The following RBFOX1 variants were observed in gnomAD, a reference collection of about 807,000 sequenced individuals.
RBFOX1 encodes RNA binding fox-1 homolog 1.
A neutral mutation model predicts 57.7 loss-of-function variants in RBFOX1; 8 were observed. That is an observed-to-expected ratio of 0.14 (90% CI 0.08 to 0.25). The LOEUF (loss-of-function observed/expected upper bound fraction) is 0.25, where lower values mean the gene tolerates loss of function less well. Ranked by LOEUF, RBFOX1 falls within the 10% of genes least tolerant of loss-of-function variation. The pLI is 1.00. For synonymous variants in RBFOX1, 326 were observed against 222.4 expected (o/e 1.47, Z -4.15); for missense variants, 611 against 548.5 (o/e 1.11, Z -1.14).
chr16:6,258,117 T>A (rs966014227), intron 1 of RBFOX1, among the ~76,000 whole-genome samples: 1 of 152,200 alleles, frequency 6.6e-6, no homozygotes, highest in African/African-American at 2.4e-5. Flanking sequence ...TATCCCATCA[T>A]CTTTTGTAAC....
chr16:7,707,547 G>T (rs61292481), intron 14 of RBFOX1, among the ~76,000 whole-genome samples: 17 of 152,022 alleles, frequency 1.1e-4, no homozygotes, highest in African/African-American at 1.7e-4. Context: ...AAACGATGTC[G>T]ATCCCAGTGA....
At chr16:5,714,903 A>G (rs924596763) in intron 3 of RBFOX1, among the ~76,000 whole-genome samples, 4 of 152,224 alleles carry the variant, frequency 2.6e-5, no homozygotes, top group African/African-American at 2.4e-5. Context: ...AGTGTCAAAC[A>G]CAGAGGCAAG....
intron 2 of RBFOX1, among the ~76,000 whole-genome samples, chr16:6,490,984 C>G (rs1490658253): frequency 6.6e-6 from 1 of 151,906 alleles, no homozygotes. Flanking sequence ...TAAAATGAAA[C>G]CAGAATTTGT....
At chr16:5,531,697 A>G (rs1404620065) in intron 2 of RBFOX1, among the ~76,000 whole-genome samples, 1 of 152,226 alleles carries the variant, frequency 6.6e-6, no homozygotes, top group Non-Finnish European at 1.5e-5. Flanking sequence ...TACTCAAAGC[A>G]GTGCCTGGCA....
chr16:7,610,173 G>A (rs1364434380), intron 10 of RBFOX1, among the ~76,000 whole-genome samples: 9 of 128,708 alleles, frequency 7.0e-5, no homozygotes, highest in Admixed American at 5.1e-4. Flanking sequence ...AGGCTGGAGT[G>A]CAGTGGCATG....
At chr16:6,185,323 G>A (rs1567635014) in intron 1 of RBFOX1, among the ~76,000 whole-genome samples, 1 of 152,018 alleles carries the variant, frequency 6.6e-6, no homozygotes, top group African/African-American at 2.4e-5. Flanking sequence ...ATTCTCTCTT[G>A]AATTCATTCC....
intron 3 of RBFOX1, among the ~76,000 whole-genome samples, chr16:5,606,058 C>T (rs1480721624): frequency 1.3e-5 from 2 of 152,172 alleles, no homozygotes; most frequent in Admixed American, 6.5e-5. Flanking sequence ...GCAGAGGTTG[C>T]CCGTGGCATG....
chr16:7,549,981 G>T (rs1316020182), intron 5 of RBFOX1, among the ~76,000 whole-genome samples: 1 of 152,030 alleles, frequency 6.6e-6, no homozygotes, highest in Non-Finnish European at 1.5e-5. Flanking sequence ...TTAGGCAGGA[G>T]TGCAGTGGTG....
chr16:7,622,046 G>T (rs770278232), intron 10 of RBFOX1, among the ~76,000 whole-genome samples: 1 of 152,138 alleles, frequency 6.6e-6, no homozygotes, highest in Non-Finnish European at 1.5e-5. Flanking sequence ...ATCGTAAAAA[G>T]CATTCCTAGC....
chr16:7,199,223 G>A (rs1406563537), intron 4 of RBFOX1, among the ~76,000 whole-genome samples: 3 of 152,142 alleles, frequency 2.0e-5, no homozygotes, highest in African/African-American at 7.2e-5. Flanking sequence ...ACATTTTAAG[G>A]AGCTAAGAGC....
chr16:7,285,273 A>C (rs1041980413), intron 4 of RBFOX1, among the ~76,000 whole-genome samples: 1 of 151,580 alleles, frequency 6.6e-6, no homozygotes, highest in Non-Finnish European at 1.5e-5. Context: ...GTTTTCCCCA[A>C]TGGTAACATT....
At chr16:7,134,373 G>T (rs1048376932) in intron 4 of RBFOX1, among the ~76,000 whole-genome samples, 1 of 152,138 alleles carries the variant, frequency 6.6e-6, no homozygotes, top group Non-Finnish European at 1.5e-5. Flanking sequence ...CTTTAACATC[G>T]CTCTGGGAGA....
intron 3 of RBFOX1, among the ~76,000 whole-genome samples, chr16:6,932,534 G>C (rs1054044210): frequency 7.9e-5 from 12 of 152,256 alleles, no homozygotes; most frequent in African/African-American, 2.9e-4. Flanking sequence ...CTGCTTCCAA[G>C]TGTCTCACCT....
intron 4 of RBFOX1, among the ~76,000 whole-genome samples, chr16:7,127,539 C>G (rs1369840762): frequency 1.3e-5 from 2 of 152,022 alleles, no homozygotes. Context: ...ATGGTGTGTA[C>G]TGTATGTGTA....
chr16:7,237,425 C>G (rs950206990), intron 4 of RBFOX1, among the ~76,000 whole-genome samples: 1 of 152,216 alleles, frequency 6.6e-6, no homozygotes, highest in Admixed American at 6.5e-5. Context: ...AGTTTTGTCT[C>G]TGGACCAGGC....
intron 3 of RBFOX1, among the ~76,000 whole-genome samples, chr16:6,927,343 G>T (rs1191338866): frequency 6.9e-6 from 1 of 144,266 alleles, no homozygotes; most frequent in Non-Finnish European, 1.5e-5. Flanking sequence ...AACCCGGGAG[G>T]CAGAGGTTGC....
At chr16:6,736,927 G>C (rs1054474531) in intron 3 of RBFOX1, among the ~76,000 whole-genome samples, 2 of 152,188 alleles carry the variant, frequency 1.3e-5, no homozygotes, top group African/African-American at 2.4e-5. Context: ...TGATGGATTG[G>C]TGATGTCTGC....
intron 3 of RBFOX1, among the ~76,000 whole-genome samples, chr16:6,973,217 A>T (rs1009389623): frequency 1.3e-5 from 2 of 151,936 alleles, no homozygotes; most frequent in African/African-American, 4.8e-5. Flanking sequence ...GGGTTGGAGG[A>T]TATCAGGGGT....
chr16:6,509,826 C>T (rs896054049), intron 2 of RBFOX1, among the ~76,000 whole-genome samples: 2 of 152,062 alleles, frequency 1.3e-5, no homozygotes, highest in African/African-American at 2.4e-5. Context: ...ACCATGTTCT[C>T]CCAAACATGA....
Sources: gnomAD v4.1 joint callset for allele counts (sites outside exome capture counted in the v4.1 genomes callset) on GRCh38, gnomAD v4.1.1 for gene constraint, MANE v1.5 for transcripts, NCBI Gene and HGNC (gene_info 2026-07-23, HGNC 2026-07-21) for gene names.